The following PDGFA variants were observed in gnomAD, a reference collection of about 807,000 sequenced individuals.
PDGFA encodes platelet-derived growth factor subunit A.
Under a neutral mutation model 25.6 loss-of-function variants are expected in PDGFA, and 9 were observed. The observed-to-expected ratio is 0.35, with a 90% CI of 0.21 to 0.61. The LOEUF (loss-of-function observed/expected upper bound fraction) is 0.61, where lower values mean the gene tolerates loss of function less well. PDGFA is among the 20% of genes least tolerant of loss of function. The pLI, the probability that PDGFA is intolerant of heterozygous loss-of-function variation, is 0.75. For missense variants in PDGFA, 242 were observed against 272.8 expected (o/e 0.89, Z 0.79); for synonymous variants, 133 against 111.8 (o/e 1.19, Z -1.20).
At chr7:504,487 C>T (rs76408003) in intron 4 of PDGFA, among the ~76,000 whole-genome samples, 3 of 152,284 alleles carry the variant, frequency 2.0e-5, no homozygotes, top group East Asian at 3.9e-4. Flanking sequence ...CAGCAGGGAC[C>T]GAGTTCCTTC....
intron 5 of PDGFA, among the ~76,000 whole-genome samples, chr7:499,347 C>A (rs1258804675): frequency 6.6e-6 from 1 of 152,268 alleles, no homozygotes; most frequent in Non-Finnish European, 1.5e-5. Flanking sequence ...ACCTCACCCG[C>A]AGGCCCAAGT....
intron 4 of PDGFA, among the ~76,000 whole-genome samples, chr7:508,440 A>G (rs1782657920): frequency 6.6e-6 from 1 of 151,368 alleles, no homozygotes; most frequent in African/African-American, 2.4e-5. Flanking sequence ...GGTGGCATGC[A>G]CCTGTAGCAT....
rs1783143570 is a variant in PDGFA at position 517,154 on chromosome 7, C to T, written c.160+240G>A. Among the ~76,000 whole-genome samples the T allele has an allele frequency of 2.0e-5, 3 of 151,822 alleles. No homozygotes were observed. The highest frequency in any genetic ancestry group is 6.6e-5 in the Admixed American group (1 of 15,256). On this transcript the variant is annotated intron_variant, in intron 2 of 5. Transcript: ENST00000402802. The surrounding 1 kb of genome is among the most constrained non-coding windows in gnomAD (Gnocchi z 7.4). ...GCTGAACTTTGTGTGACACACGCGG[C>T]GTTTTCCTTAAAGGCGAAAACAATC...
At position 501,117 on chromosome 7, in the gene PDGFA, C is replaced by T. The variant is rs767796068; in HGVS notation, c.579G>A (p.Thr193=). ...ATGCCGACGAAGGCAGCCACTCACC[C>T]GTGTCCTCTTCCCGATAATCCGGAT... The change falls in exon 5 of 6, where the codon ACG becomes ACA. Residue 193 remains threonine (T), a splice_region_variant and synonymous_variant. Coordinates refer to ENST00000402802, the Ensembl canonical transcript of PDGFA. The T allele has an allele frequency of 2.7e-5, 44 of 1,613,952 alleles. No homozygotes were observed. The East Asian group carries it at 5.3e-4, about 20-fold the overall frequency.
chr7:497,295 A>G (rs1782085456), exon 6 of PDGFA: 1 of 152,072 alleles, frequency 6.6e-6, no homozygotes. Flanking sequence ...TTTTGGATCA[A>G]CAAAAAAAGA....
At chr7:510,628 C>G (rs566446799) in intron 4 of PDGFA, among the ~76,000 whole-genome samples, 181 bp downstream of exon 4, 1 of 66,512 alleles carries the variant, frequency 1.5e-5, no homozygotes, top group Non-Finnish European at 2.8e-5. Flanking sequence ...AGGGGAGGGG[C>G]AGGGCTCACC....
At chr7:510,356 G>A (rs1414571235) in intron 4 of PDGFA, among the ~76,000 whole-genome samples, 2 of 151,958 alleles carry the variant, frequency 1.3e-5, no homozygotes, top group Non-Finnish European at 2.9e-5. Context: ...GCACCTTGTG[G>A]CCTCCCAGGA....
chr7:509,747 G>A (rs1237442860), intron 4 of PDGFA, among the ~76,000 whole-genome samples: 1 of 152,198 alleles, frequency 6.6e-6, no homozygotes. Context: ...GACACAGTCT[G>A]CCGGCGCCCT....
Position 511,004 on chromosome 7 carries a change from G to A in PDGFA, c.266-8C>T, listed in dbSNP as rs369795593. 32 of 1,609,622 alleles carry A rather than the reference G, an allele frequency of 2.0e-5. No individual in the cohort carries two copies. Among genetic ancestry groups the A allele is most frequent in the Admixed American group, 8.3e-5 (5 of 59,884 alleles). ...CAGCGGGGACAGCTTCCTCTGCAACGGCGGGGGCACAGTGAGCGGGGACCG... is the reference window on the plus strand; with the variant it reads ...CAGCGGGGACAGCTTCCTCTGCAACAGCGGGGGCACAGTGAGCGGGGACCG... On this transcript the variant is annotated splice_region_variant and splice_polypyrimidine_tract_variant and intron_variant, in intron 3 of 5. Coordinates refer to ENST00000402802, the Ensembl canonical transcript of PDGFA.
chr7:513,852 C>G (rs1782974557), intron 2 of PDGFA, among the ~76,000 whole-genome samples: 1 of 152,196 alleles, frequency 6.6e-6, no homozygotes, highest in Admixed American at 6.5e-5. Context: ...CGCCCGGAGC[C>G]CAACTTTTTA....
rs1428647635 is a variant in PDGFA at position 510,934 on chromosome 7, C to T, written c.328G>A (p.Val110Ile). The T allele has an allele frequency of 3.6e-5, 58 of 1,612,690 alleles. No individual in the cohort carries two copies. The highest frequency in any genetic ancestry group is 4.8e-5 in the Non-Finnish European group (57 of 1,179,692). The change falls in exon 4 of 6, where the codon GTC becomes ATC. Residue 110 changes from valine to isoleucine, a missense_variant. This residue lies in a region of PDGFA where 55 missense variants were observed against 88.2 expected (regional missense o/e 0.62). Transcript: ENST00000402802. Reference sequence around the variant, plus strand: ...AGGAAGTTGGCGGACGTGGGGTCGACCTGACTCCGAGGAATCTCGTAAATG... The same window carrying T: ...AGGAAGTTGGCGGACGTGGGGTCGATCTGACTCCGAGGAATCTCGTAAATG...
intron 5 of PDGFA, 70 bp from the exon 6 acceptor site, chr7:498,644 G>A (rs1006313318): frequency 7.0e-6 from 10 of 1,437,556 alleles, no homozygotes; most frequent in African/African-American, 5.6e-5. Context: ...ACACATGGCT[G>A]CATAGGAGGA....
chr7:498,314 C>T (rs1782186056), exon 6 of PDGFA: 5 of 506,326 alleles, frequency 9.9e-6, no homozygotes, highest in South Asian at 6.5e-5. Context: ...TTTGTTTTCT[C>T]TCTCTCTTTC....
chr7:512,769 A>C, intron 2 of PDGFA: 1 of 859,872 alleles, frequency 1.2e-6, no homozygotes, highest in African/African-American at 1.8e-5. Context: ...GGTCTCCCCT[A>C]CGGTGCCTCC....
chr7:513,120 G>A (rs1782938110), intron 2 of PDGFA: 1 of 158,906 alleles, frequency 6.3e-6, no homozygotes. Context: ...CTCTCGTGGA[G>A]GCTACACGGA....
intron 5 of PDGFA, among the ~76,000 whole-genome samples, chr7:499,119 C>A (rs1782214792): frequency 6.6e-6 from 1 of 152,226 alleles, no homozygotes; most frequent in Admixed American, 6.5e-5. Flanking sequence ...AGGCATGGGA[C>A]AACAGGAGTG....
chr7:516,627 G>C (rs956009976), intron 2 of PDGFA, among the ~76,000 whole-genome samples: 1 of 152,200 alleles, frequency 6.6e-6, no homozygotes, highest in Admixed American at 6.5e-5. Flanking sequence ...AGCCCTGAGC[G>C]GGCGGGCGGC....
chr7:503,771 G>T (rs187811776), intron 4 of PDGFA, among the ~76,000 whole-genome samples: 2 of 152,212 alleles, frequency 1.3e-5, no homozygotes, highest in African/African-American at 4.8e-5. Context: ...TGCCTGGGGC[G>T]TGAGCAGACA....
At chr7:516,335 T>C (rs1490738521) in intron 2 of PDGFA, among the ~76,000 whole-genome samples, 2 of 151,626 alleles carry the variant, frequency 1.3e-5, no homozygotes, top group East Asian at 3.9e-4. Context: ...TCCACCACCA[T>C]AATTAGGTAC....
Sources: gnomAD v4.1 joint callset for allele counts (sites outside exome capture counted in the v4.1 genomes callset) on GRCh38, gnomAD v4.1.1 for gene constraint, gnomAD v4.1.1 regional missense constraint, Gnocchi (gnomAD v3.1) non-coding constraint, MANE v1.5 for transcripts, NCBI Gene and HGNC (gene_info 2026-07-23, HGNC 2026-07-21) for gene names.